Variants in DGKB observed in about 807,000 individuals in gnomAD.
DGKB encodes the protein diacylglycerol kinase beta, also known as 90 kDa diacylglycerol kinase.
In DGKB, 67 loss-of-function variants were observed where a neutral mutation model predicts 114.3. The ratio of observed to expected loss-of-function variants is 0.59; its 90% CI spans 0.48 to 0.72. The LOEUF (loss-of-function observed/expected upper bound fraction) is 0.72, where lower values mean the gene tolerates loss of function less well. Ranked by LOEUF, DGKB falls within the 30% of genes least tolerant of loss-of-function variation. The probability of loss-of-function intolerance (pLI) is 0.00; values close to 1 mark genes in which losing one functional copy is unlikely to be tolerated. For missense variants in DGKB, 907 were observed against 975.2 expected (o/e 0.93, Z 0.93); for synonymous variants, 398 against 323.1 (o/e 1.23, Z -2.49).
intron 16 of DGKB, among the ~76,000 whole-genome samples, chr7:14,611,457 G>C (rs1805525159): frequency 6.6e-6 from 1 of 152,082 alleles, no homozygotes; most frequent in Non-Finnish European, 1.5e-5. Context: ...AGTCAAAAAA[G>C]CCAAAAAATT....
intron 20 of DGKB, among the ~76,000 whole-genome samples, chr7:14,484,635 A>T (rs187617536): frequency 3.0e-4 from 45 of 152,274 alleles, no homozygotes; most frequent in Non-Finnish European, 5.6e-4. Context: ...AGTCTGCAGA[A>T]CCTTGAGCCA....
chr7:14,474,196 G>A (rs980188560), intron 21 of DGKB, among the ~76,000 whole-genome samples: 1 of 152,148 alleles, frequency 6.6e-6, no homozygotes, highest in African/African-American at 2.4e-5. Flanking sequence ...GATCATGGGG[G>A]TAAGTTTTTC....
At chr7:14,420,342 T>G (rs1451542231) in intron 21 of DGKB, among the ~76,000 whole-genome samples, 1 of 152,016 alleles carries the variant, frequency 6.6e-6, no homozygotes, top group Non-Finnish European at 1.5e-5. Flanking sequence ...TCATTGATCC[T>G]TAGGCTCCTA....
chr7:14,278,773 T>A (rs1799411500), intron 23 of DGKB, among the ~76,000 whole-genome samples: 1 of 151,804 alleles, frequency 6.6e-6, no homozygotes, highest in East Asian at 1.9e-4. Flanking sequence ...ATAATGAGAA[T>A]AATAATATAA....
chr7:14,253,564 C>G (rs982533705), intron 23 of DGKB, among the ~76,000 whole-genome samples: 1 of 152,170 alleles, frequency 6.6e-6, no homozygotes, highest in Non-Finnish European at 1.5e-5. Flanking sequence ...ATCCCTCTAT[C>G]CTTATTGCTA....
chr7:14,779,338 C>T (rs1838722262), intron 2 of DGKB, among the ~76,000 whole-genome samples: 1 of 151,856 alleles, frequency 6.6e-6, no homozygotes, highest in Non-Finnish European at 1.5e-5. Context: ...GAGTTCAAGA[C>T]CAGTCTGGGA....
intron 6 of DGKB, among the ~76,000 whole-genome samples, chr7:14,706,333 A>G (rs1826223830): frequency 7.1e-6 from 1 of 140,276 alleles, no homozygotes; most frequent in African/African-American, 2.7e-5. Context: ...TGAGTGACCT[A>G]CAAAGAGACT....
At chr7:14,507,904 A>G (rs1004404662) in intron 20 of DGKB, among the ~76,000 whole-genome samples, 12 of 152,228 alleles carry the variant, frequency 7.9e-5, no homozygotes, top group African/African-American at 2.9e-4. Context: ...CTTATAGTAC[A>G]TACTTACAGA....
intron 25 of DGKB, among the ~76,000 whole-genome samples, chr7:14,160,562 G>T (rs1783729952): frequency 6.6e-6 from 1 of 152,188 alleles, no homozygotes; most frequent in African/African-American, 2.4e-5. Context: ...ACTTACAAGG[G>T]ATGTGAAGGG....
chr7:14,223,279 C>T (rs1790281811), intron 23 of DGKB, among the ~76,000 whole-genome samples: 1 of 151,558 alleles, frequency 6.6e-6, no homozygotes, highest in Admixed American at 6.6e-5. Flanking sequence ...GATCTTTTTA[C>T]TATCTCTTCT....
intron 20 of DGKB, among the ~76,000 whole-genome samples, chr7:14,566,022 C>T (rs1463214014): frequency 3.3e-5 from 5 of 152,072 alleles, no homozygotes; most frequent in Admixed American, 6.6e-5. Flanking sequence ...GACCAAGAGT[C>T]GCTTGTGTTG....
At chr7:14,456,773 A>G (rs1317233497) in intron 21 of DGKB, among the ~76,000 whole-genome samples, 1 of 152,150 alleles carries the variant, frequency 6.6e-6, no homozygotes, top group African/African-American at 2.4e-5. Context: ...AAGCATCTAC[A>G]TAATTGACAT....
At chr7:14,170,098 C>G (rs143666782) in intron 25 of DGKB, among the ~76,000 whole-genome samples, 3 of 143,350 alleles carry the variant, frequency 2.1e-5, no homozygotes, top group African/African-American at 7.7e-5. Flanking sequence ...CACACCATTG[C>G]ACTCCAGCCT....
intron 21 of DGKB, among the ~76,000 whole-genome samples, chr7:14,374,525 A>C (rs1222178685): frequency 6.6e-6 from 1 of 152,070 alleles, no homozygotes; most frequent in African/African-American, 2.4e-5. Flanking sequence ...CTATACCCTC[A>C]CCACCAGCCC....
At chr7:14,886,652 C>T (rs1855102961) in intron 1 of DGKB, among the ~76,000 whole-genome samples, 1 of 151,914 alleles carries the variant, frequency 6.6e-6, no homozygotes, top group Non-Finnish European at 1.5e-5. Flanking sequence ...GACACCATTA[C>T]TGCAGTAATC....
intron 23 of DGKB, among the ~76,000 whole-genome samples, chr7:14,205,772 T>C (rs1786697903): frequency 6.6e-6 from 1 of 152,008 alleles, no homozygotes; most frequent in Admixed American, 6.6e-5. Flanking sequence ...ACTGCTTCTA[T>C]GTTGTACTCT....
chr7:14,244,381 G>A (rs1794126474), intron 23 of DGKB, among the ~76,000 whole-genome samples: 1 of 152,110 alleles, frequency 6.6e-6, no homozygotes, highest in Non-Finnish European at 1.5e-5. Flanking sequence ...TGCTGGCCGG[G>A]CGCGGTGGCT....
intron 23 of DGKB, among the ~76,000 whole-genome samples, chr7:14,283,038 AG>A (rs1800238351): frequency 6.6e-6 from 1 of 151,828 alleles, no homozygotes; most frequent in Admixed American, 6.7e-5. Flanking sequence ...GAAGGAAATA[AG>A]GGGTATTCAA....
intron 5 of DGKB, among the ~76,000 whole-genome samples, chr7:14,721,227 A>G (rs985743956): frequency 5.9e-5 from 9 of 152,236 alleles, no homozygotes; most frequent in African/African-American, 2.2e-4. Context: ...ACATGGCATG[A>G]CCATTTGTAC....
Sources: gnomAD v4.1 joint callset for allele counts (sites outside exome capture counted in the v4.1 genomes callset) on GRCh38, gnomAD v4.1.1 for gene constraint, MANE v1.5 for transcripts, NCBI Gene and HGNC (gene_info 2026-07-23, HGNC 2026-07-21) for gene names.